Variants in LTBP1 observed in about 807,000 individuals in gnomAD.
LTBP1 encodes latent-transforming growth factor beta-binding protein 1.
LTBP1 carries 129 observed loss-of-function variants against 207.6 expected under a neutral mutation model. That is an observed-to-expected ratio of 0.62 (90% CI 0.54 to 0.72). LTBP1 has a LOEUF of 0.72. Among genes scored for constraint, LTBP1 ranks in the 30% least tolerant of loss-of-function variants. The probability of loss-of-function intolerance (pLI) is 0.00; values close to 1 mark genes in which losing one functional copy is unlikely to be tolerated. For missense variants in LTBP1, 2,281 were observed against 2,217.2 expected (o/e 1.03, Z -0.58); for synonymous variants, 963 against 833.7 (o/e 1.16, Z -2.67).
rs116822585 is a variant in LTBP1, at chr2:33,253,405, A to G, written c.2167+561A>G. On this transcript the variant is annotated intron_variant, in intron 11 of 33. Coordinates refer to ENST00000404816, the MANE Select transcript of LTBP1 (RefSeq NM_206943.4). ...GAAGTAGATTATTCTTTATCCTTCAATTTGGTACATAATTGCCTTATGCCC... is the reference window on the plus strand; with the variant it reads ...GAAGTAGATTATTCTTTATCCTTCAGTTTGGTACATAATTGCCTTATGCCC... Among the ~76,000 whole-genome samples the G allele has an allele frequency of 6.2e-3, 941 of 152,312 alleles. 6 individuals carry two copies. Among genetic ancestry groups the G allele is most frequent in the African/African-American group, 0.021 (872 of 41,554 alleles).
intron 7 of LTBP1, among the ~76,000 whole-genome samples, chr2:33,197,237 T>C (rs2088667555): frequency 6.6e-6 from 1 of 152,254 alleles, no homozygotes; most frequent in South Asian, 2.1e-4. Context: ...GGAGTGGTTT[T>C]CTTGAATATA....
intron 24 of LTBP1, among the ~76,000 whole-genome samples, chr2:33,319,689 C>T (rs547952016): frequency 2.9e-4 from 44 of 152,184 alleles, no homozygotes; most frequent in African/African-American, 9.2e-4. Flanking sequence ...CCGTGGAGTC[C>T]GGCACACCCC....
chr2:33,334,707 A>G (rs573506612), intron 24 of LTBP1, among the ~76,000 whole-genome samples: 1 of 152,152 alleles, frequency 6.6e-6, no homozygotes, highest in African/African-American at 2.4e-5. Context: ...GTGGTTGACA[A>G]AAATGGAGCA....
At chr2:33,159,080 C>T (rs908093916) in intron 5 of LTBP1, among the ~76,000 whole-genome samples, 21 of 152,130 alleles carry the variant, frequency 1.4e-4, no homozygotes, top group African/African-American at 2.4e-5. Context: ...CTAGGGTCTG[C>T]CTAATCTCAG....
intron 5 of LTBP1, among the ~76,000 whole-genome samples, chr2:33,153,501 C>T (rs553354055): frequency 6.6e-6 from 1 of 152,130 alleles, no homozygotes; most frequent in East Asian, 1.9e-4. Context: ...TGAGAGCCTG[C>T]AAGCCTTAGA....
intron 2 of LTBP1, among the ~76,000 whole-genome samples, chr2:32,985,655 T>C (rs1000238060): frequency 3.3e-5 from 5 of 152,158 alleles, no homozygotes; most frequent in African/African-American, 9.7e-5. Flanking sequence ...GGGTTAGAAA[T>C]ACATGAGAGA....
At chr2:33,183,407 G>A (rs148447461) in intron 5 of LTBP1, among the ~76,000 whole-genome samples, 1 of 152,270 alleles carries the variant, frequency 6.6e-6, no homozygotes, top group African/African-American at 2.4e-5. Flanking sequence ...ACCAATCACC[G>A]ACAGGCTTTC....
At chr2:33,311,391 C>G (rs999570446) in intron 23 of LTBP1, among the ~76,000 whole-genome samples, 5 of 151,848 alleles carry the variant, frequency 3.3e-5, no homozygotes, top group African/African-American at 9.7e-5. Flanking sequence ...TCAATTTTTT[C>G]CAATGCAGAA....
intron 2 of LTBP1, among the ~76,000 whole-genome samples, chr2:33,011,604 A>G (rs1209786246): frequency 6.6e-6 from 1 of 152,076 alleles, no homozygotes; most frequent in South Asian, 2.1e-4. Context: ...TTGACCTTGG[A>G]CTTTTAGCTC....
At chr2:33,073,029 A>C (rs1362603536) in intron 3 of LTBP1, among the ~76,000 whole-genome samples, 1 of 152,220 alleles carries the variant, frequency 6.6e-6, no homozygotes, top group African/African-American at 2.4e-5. Flanking sequence ...AGAGCCGGGC[A>C]ACGTGACCAC....
intron 3 of LTBP1, among the ~76,000 whole-genome samples, chr2:33,021,423 C>G (rs2075161564): frequency 6.6e-6 from 1 of 151,984 alleles, no homozygotes; most frequent in Non-Finnish European, 1.5e-5. Context: ...GAAATTTTAC[C>G]ATAAGTACAA....
At chr2:32,982,809 C>T (rs367850184) in intron 2 of LTBP1, among the ~76,000 whole-genome samples, 6 of 152,302 alleles carry the variant, frequency 3.9e-5, no homozygotes, top group South Asian at 2.1e-4. Flanking sequence ...TGGGAACCTC[C>T]GCCTAGATTT....
intron 25 of LTBP1, among the ~76,000 whole-genome samples, chr2:33,344,702 T>C (rs1353066990): frequency 6.6e-6 from 1 of 152,254 alleles, no homozygotes. Context: ...AATTTAATAA[T>C]GGGTATACCA....
chr2:33,110,145 C>G (rs1433028276), intron 3 of LTBP1, among the ~76,000 whole-genome samples: 1 of 152,144 alleles, frequency 6.6e-6, no homozygotes, highest in African/African-American at 2.4e-5. Flanking sequence ...GGCCGGAGTA[C>G]AGTGGTGCAG....
chr2:33,280,394 C>G (rs1225517571), intron 19 of LTBP1, among the ~76,000 whole-genome samples: 2 of 151,992 alleles, frequency 1.3e-5, no homozygotes, highest in Non-Finnish European at 2.9e-5. Flanking sequence ...ACTGATATTC[C>G]TAATGAGATA....
intron 2 of LTBP1, among the ~76,000 whole-genome samples, chr2:32,994,376 C>T (rs1399398107): frequency 6.6e-6 from 1 of 152,102 alleles, no homozygotes; most frequent in Non-Finnish European, 1.5e-5. Context: ...GATTAAGTAA[C>T]CTGCCCAAGG....
intron 28 of LTBP1, among the ~76,000 whole-genome samples, chr2:33,363,118 G>A (rs183602010): frequency 6.6e-6 from 1 of 152,262 alleles, no homozygotes; most frequent in African/African-American, 2.4e-5. Flanking sequence ...CAAATATGAG[G>A]TAGCATCTCA....
intron 31 of LTBP1, among the ~76,000 whole-genome samples, chr2:33,375,225 A>G (rs909789458): frequency 2.0e-5 from 3 of 152,226 alleles, no homozygotes; most frequent in Non-Finnish European, 4.4e-5. Flanking sequence ...ATTGGCCTAC[A>G]GTAAATGCGC....
intron 5 of LTBP1, among the ~76,000 whole-genome samples, chr2:33,178,565 A>G (rs539257447): frequency 2.0e-5 from 3 of 152,312 alleles, no homozygotes; most frequent in Admixed American, 2.0e-4. Context: ...ATTGAGGTTG[A>G]TCTTTTCTAC....
Sources: allele counts gnomAD v4.1 joint callset (sites outside exome capture counted in the v4.1 genomes callset), GRCh38; gene constraint gnomAD v4.1.1; transcripts MANE v1.5; gene names NCBI Gene and HGNC (gene_info 2026-07-23, HGNC 2026-07-21).